Variants in LTF observed in about 807,000 individuals in gnomAD.
The protein encoded by LTF is epididymis luminal protein 110.
In LTF, 91 loss-of-function variants were observed where a neutral mutation model predicts 87.2. That is an observed-to-expected ratio of 1.04 (90% CI 0.88 to 1.24). The LOEUF (loss-of-function observed/expected upper bound fraction) is 1.24. Ranked by LOEUF, LTF falls within the 50% of genes most tolerant of loss-of-function variation. The pLI, the probability that LTF is intolerant of heterozygous loss-of-function variation, is 0.00. For missense variants in LTF, 901 were observed against 904.3 expected (o/e 1.00, Z 0.05); for synonymous variants, 378 against 356.1 (o/e 1.06, Z -0.69).
intron 2 of LTF, among the ~76,000 whole-genome samples, chr3:46,458,801 C>A (rs982511389): frequency 2.0e-5 from 3 of 152,238 alleles, no homozygotes; most frequent in Non-Finnish European, 4.4e-5. Context: ...TTTTGAACTA[C>A]TGACCTCAGG....
chr3:46,439,459 G>A lies in LTF; in HGVS notation c.1745C>T (p.Ala582Val), dbSNP rs149901533. 7.4e-6 allele frequency: 12 copies of A among 1,610,996 alleles called. No homozygotes were observed. The East Asian group carries it at 2.2e-4, about 30-fold the overall frequency. The change falls in exon 15 of 17, where the codon GCT becomes GTT. Residue 582 changes from alanine to valine, a missense_variant. Ala to Val is a moderately conservative substitution (Grantham distance 64). Transcript: ENST00000231751. Reference protein sequence around the residue: ...NTDGNNNEAWAKDLKLADFAL... With the variant: ...NTDGNNNEAWVKDLKLADFAL... ...AAAGTCTGCCAGCTTCAAATCCTTA[G>A]CCCATGCCTCATTGTTATTTCCTGG...
intron 15 of LTF, among the ~76,000 whole-genome samples, chr3:46,438,471 A>T (rs1382631087): frequency 6.6e-6 from 1 of 152,226 alleles, no homozygotes; most frequent in Non-Finnish European, 1.5e-5. Flanking sequence ...CTCACAAGTC[A>T]ATTGCTCAGG....
upstream of LTF, chr3:46,464,955 T>C: frequency 7.4e-7 from 1 of 1,348,018 alleles, no homozygotes; most frequent in Non-Finnish European, 1.1e-6. Flanking sequence ...TGCCCCGCCC[T>C]GTTGCCCAAT....
intron 10 of LTF, 32 bp downstream of exon 10, chr3:46,447,276 G>A (rs1702678154): frequency 1.3e-6 from 2 of 1,546,676 alleles, no homozygotes; most frequent in African/African-American, 1.4e-5. Context: ...TGACCCAGAG[G>A]GAATATACCA....
At chr3:46,437,917 G>A (rs1702423012) in intron 16 of LTF, 23 bp downstream of exon 16, 3 of 1,604,334 alleles carry the variant, frequency 1.9e-6, no homozygotes, top group African/African-American at 2.7e-5. Flanking sequence ...GTTTCTCGGG[G>A]ATGCTAGCTA....
In LTF at chr3:46,459,948, C is replaced by G. The variant is rs1431592179; in HGVS notation, c.44-129G>C. The G allele has an allele frequency of 5.3e-6, 3 of 564,148 alleles. No homozygotes were observed. The East Asian group carries it at 1.0e-4, about 20-fold the overall frequency. The allele number at this position is 564,148 out of a possible 1,614,324, so 34.9% of individuals were successfully genotyped here. On this transcript the variant is annotated intron_variant, in intron 1 of 16. Coordinates refer to ENST00000231751, the MANE Select transcript of LTF (RefSeq NM_002343.6). ...CCCTCCTTCCCTCTCCATTTCATGG[C>G]TATGTCCAGCCATTCTCCACAAGTG...
chr3:46,447,344 T>A lies in LTF; in HGVS notation c.1267A>T (p.Lys423Ter). ...LDGGYVYTAG[K>*]CGLVPVLAEN... ...GCCAGGACAGGCACCAAACCACATT[T>A]GCCTGCAGTGTACACATATCCTCCA... Residue 423 changes from lysine to a stop codon, truncating the protein, a stop_gained, in exon 10 of 17, where the codon AAA becomes TAA. Coordinates refer to ENST00000231751, the MANE Select transcript of LTF (RefSeq NM_002343.6). LOFTEE classifies it high-confidence loss of function. The A allele has an allele frequency of 6.2e-7, 1 of 1,614,214 alleles. No homozygotes were observed. Among genetic ancestry groups the A allele is most frequent in the Non-Finnish European group, 8.5e-7 (1 of 1,180,032 alleles).
At chr3:46,458,403 C>T (rs534118926) in intron 2 of LTF, among the ~76,000 whole-genome samples, 11 of 152,058 alleles carry the variant, frequency 7.2e-5, no homozygotes, top group Non-Finnish European at 1.2e-4. Context: ...TCTTATTTTC[C>T]GAGATCAGAC....
In LTF at chr3:46,446,489, G is replaced by A. The variant is rs765063309; in HGVS notation, c.1308C>T (p.Ser436=). 6.2e-7 allele frequency: 1 copy of A among 1,612,978 alleles called. No individual in the cohort carries two copies. The highest frequency in any genetic ancestry group is 1.1e-5 in the South Asian group (1 of 90,860). The change falls in exon 11 of 17, where the codon TCC becomes TCT. Residue 436 remains serine, a synonymous_variant. Coordinates refer to ENST00000231751, the MANE Select transcript of LTF (RefSeq NM_002343.6). ...TAGGATCAGGGTCACTGCTTTGTTG[G>A]GATTCTGAAAGAATAAAGACAAGCC... is the stretch of plus-strand genomic sequence containing the variant. ...LVPVLAENYK[S]QQSSDPDPNC...
At chr3:46,480,884 C>T (rs1703422925) in intron 1 of LTF, among the ~76,000 whole-genome samples, 1 of 152,222 alleles carries the variant, frequency 6.6e-6, no homozygotes, top group Non-Finnish European at 1.5e-5. Flanking sequence ...GCCCCAGGGA[C>T]AGCCATGCAG....
intron 2 of LTF, among the ~76,000 whole-genome samples, chr3:46,456,829 A>G (rs1404131340): frequency 6.6e-6 from 1 of 152,222 alleles, no homozygotes; most frequent in Non-Finnish European, 1.5e-5. Flanking sequence ...TGCTTCCCAC[A>G]TGATTACATA....
chr3:46,483,898 T>C (rs1376758536), intron 1 of LTF, among the ~76,000 whole-genome samples: 2 of 152,082 alleles, frequency 1.3e-5, no homozygotes, highest in African/African-American at 4.8e-5. Flanking sequence ...TGCCTATGCC[T>C]CCCAGAGTGC....
chr3:46,456,845 T>C (rs1702949652), intron 2 of LTF, among the ~76,000 whole-genome samples: 1 of 152,364 alleles, frequency 6.6e-6, no homozygotes, highest in South Asian at 2.1e-4. Flanking sequence ...ACATATTTCT[T>C]TGGTTTGCAA....
chr3:46,443,315 A>G, intron 13 of LTF, 126 bp downstream of exon 13: 5 of 1,167,546 alleles, frequency 4.3e-6, no homozygotes, highest in Non-Finnish European at 6.2e-6. Context: ...GCCACCCATG[A>G]GCTGACCCAC....
chr3:46,443,810 G>A (rs1333193670), intron 12 of LTF, among the ~76,000 whole-genome samples: 3 of 152,214 alleles, frequency 2.0e-5, no homozygotes, highest in Non-Finnish European at 1.5e-5. Context: ...TAAGGCTGGG[G>A]ATGAGAGCTG....
intron 2 of LTF, among the ~76,000 whole-genome samples, chr3:46,456,997 G>C (rs756992402): frequency 6.6e-6 from 1 of 152,158 alleles, no homozygotes; most frequent in Non-Finnish European, 1.5e-5. Context: ...TTCTCATAGG[G>C]AGTGCAACCT....
chr3:46,445,252 C>T lies in LTF; in HGVS notation c.1513+29G>A, dbSNP rs754127956. 5 of 1,584,214 alleles carry T rather than the reference C, an allele frequency of 3.2e-6. No homozygotes were observed. The East Asian group carries it at 9.2e-5, about 29-fold the overall frequency. ...CAATATGCCTACCCTCCAGGGTGGCCCACCCACCGCACCTTTGGAACTCCT... is the reference window on the plus strand; with the variant it reads ...CAATATGCCTACCCTCCAGGGTGGCTCACCCACCGCACCTTTGGAACTCCT... On this transcript the variant is annotated intron_variant, in intron 12 of 16. Coordinates refer to ENST00000231751, the MANE Select transcript of LTF (RefSeq NM_002343.6).
Position 46,449,847 on chromosome 3 carries a change from C to T in LTF, c.1057+7G>A. The T allele has an allele frequency of 6.2e-7, 1 of 1,613,910 alleles. No individual in the cohort carries two copies. The highest frequency in any genetic ancestry group is 8.5e-7 in the Non-Finnish European group (1 of 1,179,914). On this transcript the variant is annotated splice_region_variant and intron_variant, in intron 8 of 16. Transcript: ENST00000231751. ...GCGGACCTCAGGACCCTCCTGGGCT[C>T]ACTCACTTTTCCTCAAGTTCTGGAT... is the stretch of plus-strand genomic sequence containing the variant.
rs754502248 is a variant in LTF at position 46,437,944 on chromosome 3, G to A, written c.2094C>T (p.Thr698=). The A allele has an allele frequency of 3.7e-6, 6 of 1,613,700 alleles. No individual in the cohort carries two copies. The highest frequency in any genetic ancestry group is 3.3e-5 in the Admixed American group (2 of 59,970). Residue 698 remains threonine (T), a synonymous_variant, in exon 16 of 17, where the codon ACC becomes ACT. Coordinates refer to ENST00000231751, the MANE Select transcript of LTF (RefSeq NM_002343.6). The part of the protein sequence containing the change: ...AGITNLKKCS[T]SPLLEACEFL... ...TGCTAGCTAGGGTCTACTTACGGGAGGTTGAGCACTTTTTCAGATTAGTAA... is the reference window on the plus strand; with the variant it reads ...TGCTAGCTAGGGTCTACTTACGGGAAGTTGAGCACTTTTTCAGATTAGTAA...
Sources: gnomAD v4.1 joint callset for allele counts (sites outside exome capture counted in the v4.1 genomes callset) on GRCh38, gnomAD v4.1.1 for gene constraint, MANE v1.5 for transcripts, NCBI Gene and HGNC (gene_info 2026-07-23, HGNC 2026-07-21) for gene names.